The following CORO2B variants were observed in gnomAD, a reference collection of about 807,000 sequenced individuals.
CORO2B encodes the protein coronin-2B.
A neutral mutation model predicts 58.8 loss-of-function variants in CORO2B; 26 were observed. That is an observed-to-expected ratio of 0.44 (90% CI 0.32 to 0.61). The LOEUF is 0.61. Ranked by LOEUF, CORO2B falls within the 20% of genes least tolerant of loss-of-function variation. The pLI, the probability that CORO2B is intolerant of heterozygous loss-of-function variation, is 0.04. For missense variants in CORO2B, 460 were observed against 645.1 expected (o/e 0.71, Z 3.11); for synonymous variants, 242 against 253.8 (o/e 0.95, Z 0.44).
intron 2 of CORO2B, among the ~76,000 whole-genome samples, chr15:68,649,227 T>TTTGATATA (rs768717876): frequency 6.6e-6 from 1 of 152,220 alleles, no homozygotes; most frequent in Non-Finnish European, 1.5e-5. Flanking sequence ...ATCAGGTGTA[T>TTTGATATA]TTGATATATA....
chr15:68,685,110 C>T (rs896344395), intron 2 of CORO2B, among the ~76,000 whole-genome samples: 2 of 151,814 alleles, frequency 1.3e-5, no homozygotes, highest in Admixed American at 6.6e-5. Flanking sequence ...CCACTGCCCT[C>T]GGTACTCCTT....
chr15:68,669,916 G>A (rs987309173), intron 2 of CORO2B, among the ~76,000 whole-genome samples: 5 of 151,736 alleles, frequency 3.3e-5, no homozygotes, highest in African/African-American at 1.2e-4. Flanking sequence ...AATTAGCCAG[G>A]CATGATGGCG....
intron 2 of CORO2B, among the ~76,000 whole-genome samples, chr15:68,670,477 G>A (rs1358303366): frequency 3.9e-5 from 6 of 152,140 alleles, no homozygotes; most frequent in African/African-American, 1.2e-4. Context: ...ATCGCGCCCA[G>A]CCAGCAAAAA....
chr15:68,647,746 G>A (rs139648038), intron 2 of CORO2B, among the ~76,000 whole-genome samples: 32 of 150,484 alleles, frequency 2.1e-4, no homozygotes, highest in Non-Finnish European at 3.1e-4. Context: ...CGTGGCTCAC[G>A]CCTGTAATCC....
Position 68,584,113 on chromosome 15 carries a change from GA to G in CORO2B, c.15+4838del, listed in dbSNP as rs1167704681. ...CCCTGGGATCCAGGACCTTAGAGGA[GA>G]AGGACATGGAAAGGCCAAAGCCTTG... is the stretch of plus-strand genomic sequence containing the variant. On this transcript the variant is annotated intron_variant, in intron 1 of 11. Transcript: ENST00000261861. Among the ~76,000 whole-genome samples, 3 of 152,366 alleles carry G rather than the reference GA, an allele frequency of 2.0e-5. No individual in the cohort carries two copies. The East Asian group carries it at 5.8e-4, about 29-fold the overall frequency.
chr15:68,652,263 A>C (rs1370163064), intron 2 of CORO2B, among the ~76,000 whole-genome samples: 3 of 152,164 alleles, frequency 2.0e-5, no homozygotes, highest in African/African-American at 7.2e-5. Context: ...GTTAACATTC[A>C]GCTGCCAGCT....
chr15:68,697,122 G>GTGGATGGA (rs200414220), intron 3 of CORO2B, among the ~76,000 whole-genome samples: 22 of 151,666 alleles, frequency 1.5e-4, no homozygotes, highest in Admixed American at 3.3e-4. Context: ...TGGATGGATT[G>GTGGATGGA]TGGATGGATG....
At chr15:68,694,334 T>G (rs376683159) in intron 2 of CORO2B, among the ~76,000 whole-genome samples, 1 of 152,342 alleles carries the variant, frequency 6.6e-6, no homozygotes, top group African/African-American at 2.4e-5. Context: ...TCACATAATC[T>G]TCACAACAAT....
intron 3 of CORO2B, among the ~76,000 whole-genome samples, chr15:68,705,488 CAGGG>C (rs1222614618): frequency 2.0e-5 from 3 of 151,286 alleles, no homozygotes; most frequent in Non-Finnish European, 4.4e-5. Flanking sequence ...AACCAGGACC[CAGGG>C]AGGGAAGTGG....
chr15:68,671,459 G>A, intron 2 of CORO2B, among the ~76,000 whole-genome samples: 1 of 152,102 alleles, frequency 6.6e-6, no homozygotes, highest in Non-Finnish European at 1.5e-5. Flanking sequence ...TGCCTGTTCT[G>A]CCTCCCTCAC....
intron 2 of CORO2B, among the ~76,000 whole-genome samples, chr15:68,662,270 T>C (rs1902041144): frequency 6.6e-6 from 1 of 152,214 alleles, no homozygotes; most frequent in Admixed American, 6.5e-5. Flanking sequence ...ATTTCACCTT[T>C]TCCGGAATCA....
chr15:68,619,734 T>C (rs895757514), intron 1 of CORO2B, among the ~76,000 whole-genome samples: 1 of 151,584 alleles, frequency 6.6e-6, no homozygotes, highest in African/African-American at 2.4e-5. Context: ...TACATGTACA[T>C]ATATATGAGT....
At chr15:68,698,284 A>G (rs1298621426) in intron 3 of CORO2B, among the ~76,000 whole-genome samples, 1 of 152,194 alleles carries the variant, frequency 6.6e-6, no homozygotes, top group Non-Finnish European at 1.5e-5. Context: ...AGCTAGGATA[A>G]CAGATGAGCA....
chr15:68,518,799 T>C, the CORO2B span, among the ~76,000 whole-genome samples: 1 of 152,092 alleles, frequency 6.6e-6, no homozygotes, highest in African/African-American at 2.4e-5. Context: ...GGTCCTTTTC[T>C]TGACAGCCAT....
upstream of CORO2B, among the ~76,000 whole-genome samples, chr15:68,575,316 C>A (rs1899258255): frequency 6.6e-6 from 1 of 151,850 alleles, no homozygotes; most frequent in Non-Finnish European, 1.5e-5. Flanking sequence ...ATGCCTCCTG[C>A]AGTGACCCTG....
chr15:68,722,545 A>C (rs1300627159), intron 11 of CORO2B, among the ~76,000 whole-genome samples: 1 of 152,200 alleles, frequency 6.6e-6, no homozygotes, highest in African/African-American at 2.4e-5. Flanking sequence ...AAAATGAGTG[A>C]CTTTTATGGT....
intron 2 of CORO2B, among the ~76,000 whole-genome samples, chr15:68,672,914 A>T (rs1902451407): frequency 6.6e-6 from 1 of 152,140 alleles, no homozygotes; most frequent in Non-Finnish European, 1.5e-5. Flanking sequence ...CCCTCACATC[A>T]CAGTTTGGAT....
intron 1 of CORO2B, among the ~76,000 whole-genome samples, chr15:68,620,368 C>T (rs796626719): frequency 7.2e-5 from 11 of 152,276 alleles, no homozygotes; most frequent in African/African-American, 2.2e-4. Flanking sequence ...AAACATGGTT[C>T]GGGTGATTTG....
chr15:68,570,485 G>A, the CORO2B span, among the ~76,000 whole-genome samples: 1 of 152,206 alleles, frequency 6.6e-6, no homozygotes, highest in Non-Finnish European at 1.5e-5. Context: ...GAAACTTCCG[G>A]GTGGTGACTC....
Sources: gnomAD v4.1 joint callset for allele counts (sites outside exome capture counted in the v4.1 genomes callset) on GRCh38, gnomAD v4.1.1 for gene constraint, MANE v1.5 for transcripts, NCBI Gene and HGNC (gene_info 2026-07-23, HGNC 2026-07-21) for gene names.